The following CTNNA3 variants were observed in gnomAD, a reference collection of about 807,000 sequenced individuals.
The protein encoded by CTNNA3 is catenin alpha 3, also known as catenin alpha-3.
A neutral mutation model predicts 95.7 loss-of-function variants in CTNNA3; 76 were observed. That is an observed-to-expected ratio of 0.79 (90% CI 0.66 to 0.96). The LOEUF is 0.96. Among genes scored for constraint, CTNNA3 ranks in the 40% least tolerant of loss-of-function variants. CTNNA3 has a pLI of 0.00. For missense variants in CTNNA3, 1,191 were observed against 1,089.8 expected, an observed-to-expected ratio of 1.09 and a Z score of -1.31; for synonymous variants, 431 against 374.4, an observed-to-expected ratio of 1.15 and a Z score of -1.74.
intron 11 of CTNNA3, among the ~76,000 whole-genome samples, chr10:66,495,514 C>T (rs1840070474): frequency 6.6e-6 from 1 of 152,096 alleles, no homozygotes; most frequent in African/African-American, 2.4e-5. Flanking sequence ...ATGTAGTAAT[C>T]AATGACATAG....
At chr10:66,401,826 T>A (rs1380581803) in intron 11 of CTNNA3, among the ~76,000 whole-genome samples, 1 of 151,846 alleles carries the variant, frequency 6.6e-6, no homozygotes, top group Non-Finnish European at 1.5e-5. Flanking sequence ...ACCCAGCTAA[T>A]TTTTGTAGTT....
chr10:66,097,413 C>A (rs117467823), intron 14 of CTNNA3, among the ~76,000 whole-genome samples: 2,646 of 152,174 alleles, frequency 0.017, 35 homozygotes, highest in Admixed American at 0.035. Flanking sequence ...TGCCAGAAAC[C>A]AAACAAGAAT....
intron 7 of CTNNA3, among the ~76,000 whole-genome samples, chr10:66,918,117 T>C (rs947980980): frequency 1.3e-5 from 2 of 152,236 alleles, no homozygotes; most frequent in African/African-American, 4.8e-5. Context: ...TGAATTTTGA[T>C]TGCTATCCTA....
At chr10:66,208,866 G>A (rs900608659) in intron 13 of CTNNA3, among the ~76,000 whole-genome samples, 2 of 151,920 alleles carry the variant, frequency 1.3e-5, no homozygotes, top group Non-Finnish European at 2.9e-5. Context: ...AGTCACCAAA[G>A]GGCCCAGGGG....
At chr10:66,878,647 G>A (rs1003846034) in intron 7 of CTNNA3, among the ~76,000 whole-genome samples, 3 of 152,020 alleles carry the variant, frequency 2.0e-5, no homozygotes, top group African/African-American at 4.8e-5. Context: ...GGTCAAGGTC[G>A]TCACATCACA....
intron 17 of CTNNA3, among the ~76,000 whole-genome samples, chr10:65,958,874 C>T (rs548038715): frequency 1.3e-5 from 2 of 152,296 alleles, no homozygotes; most frequent in Non-Finnish European, 2.9e-5. Context: ...TGTCCGTTCT[C>T]AGATCTCAAA....
chr10:67,114,640 C>A (rs939034692), intron 7 of CTNNA3, among the ~76,000 whole-genome samples: 1 of 151,416 alleles, frequency 6.6e-6, no homozygotes, highest in Non-Finnish European at 1.5e-5. Flanking sequence ...TTCTTAATTT[C>A]TTTTCTAATC....
chr10:67,646,359 C>T lies in CTNNA3; in HGVS notation c.99+1056G>A, dbSNP rs574020650. 1.7e-4 allele frequency among the ~76,000 whole-genome samples: 25 copies of T among 151,332 alleles called. 1 individual carries two copies. In the South Asian group the frequency reaches 5.0e-3, roughly 30 times the overall value. ...GAAACTGTTTAGTGAGTGGCTAAGA[C>T]GGACTTTAATGAAGTCTCCACAGTC... On this transcript the variant is annotated intron_variant, in intron 2 of 17. Coordinates refer to ENST00000433211, the MANE Select transcript of CTNNA3 (RefSeq NM_013266.4).
intron 10 of CTNNA3, among the ~76,000 whole-genome samples, chr10:66,602,373 A>C (rs1843959145): frequency 2.6e-5 from 4 of 151,992 alleles, no homozygotes; most frequent in African/African-American, 9.7e-5. Context: ...TAAGTTTTAA[A>C]GCTTTTTTTA....
intron 13 of CTNNA3, among the ~76,000 whole-genome samples, chr10:66,209,563 C>T (rs1051300098): frequency 6.6e-6 from 1 of 151,822 alleles, no homozygotes; most frequent in African/African-American, 2.4e-5. Context: ...GTTAAGGGAA[C>T]AGTAAGGAAG....
chr10:67,288,524 T>G (rs543486754), intron 5 of CTNNA3, among the ~76,000 whole-genome samples: 1 of 152,192 alleles, frequency 6.6e-6, no homozygotes, highest in East Asian at 1.9e-4. Flanking sequence ...ATTTTTTCTC[T>G]TCAAATAAGA....
chr10:66,005,325 C>A (rs544556115), intron 15 of CTNNA3, among the ~76,000 whole-genome samples: 1 of 152,256 alleles, frequency 6.6e-6, no homozygotes, highest in South Asian at 2.1e-4. Flanking sequence ...GAATCAGCTC[C>A]TATGATGAAG....
chr10:66,082,383 T>C (rs1467175499), intron 14 of CTNNA3, among the ~76,000 whole-genome samples: 1 of 152,136 alleles, frequency 6.6e-6, no homozygotes, highest in African/African-American at 2.4e-5. Flanking sequence ...ATTCAAATTA[T>C]ATGAGATTCT....
chr10:66,163,868 T>A (rs1056640895), intron 13 of CTNNA3, among the ~76,000 whole-genome samples: 3 of 152,176 alleles, frequency 2.0e-5, no homozygotes, highest in African/African-American at 7.2e-5. Flanking sequence ...AGGCTTTTAT[T>A]GGGATTAAAT....
chr10:66,960,871 G>C (rs1849071379), intron 7 of CTNNA3, among the ~76,000 whole-genome samples: 1 of 152,140 alleles, frequency 6.6e-6, no homozygotes, highest in Non-Finnish European at 1.5e-5. Context: ...AGAAGGAAAG[G>C]ATCTGTAGAA....
intron 14 of CTNNA3, among the ~76,000 whole-genome samples, chr10:66,086,389 A>T (rs2080984804): frequency 1.3e-5 from 2 of 152,194 alleles, no homozygotes; most frequent in African/African-American, 4.8e-5. Flanking sequence ...GCTCTCAGAC[A>T]AGTCACATCT....
chr10:67,335,350 T>C (rs1411147189), intron 5 of CTNNA3, among the ~76,000 whole-genome samples: 1 of 152,138 alleles, frequency 6.6e-6, no homozygotes, highest in Non-Finnish European at 1.5e-5. Context: ...AATAAGCAGG[T>C]TGGAAAATGA....
chr10:66,560,552 T>G (rs1227922865), intron 10 of CTNNA3, among the ~76,000 whole-genome samples: 2 of 152,094 alleles, frequency 1.3e-5, no homozygotes, highest in African/African-American at 4.8e-5. Flanking sequence ...ATGACTTTTT[T>G]GTACTTTTAT....
At chr10:66,055,921 CAA>C (rs386371652) in intron 15 of CTNNA3, among the ~76,000 whole-genome samples, 9 of 60,224 alleles carry the variant, frequency 1.5e-4, no homozygotes, top group African/African-American at 3.3e-4. Context: ...GACTCCATCT[CAA>C]AAAAAAAAAA....
Sources: allele counts gnomAD v4.1 joint callset (sites outside exome capture counted in the v4.1 genomes callset), GRCh38; gene constraint gnomAD v4.1.1; transcripts MANE v1.5; gene names NCBI Gene and HGNC (gene_info 2026-07-23, HGNC 2026-07-21).